PLEKHS1: variants seen among roughly 807,000 people sequenced by gnomAD.
The protein encoded by PLEKHS1 is pleckstrin homology domain containing S1.
Under a neutral mutation model 51.0 loss-of-function variants are expected in PLEKHS1, and 55 were observed. The observed-to-expected ratio is 1.08, with a 90% CI of 0.87 to 1.35. PLEKHS1 has a LOEUF of 1.35. PLEKHS1 is among the 40% of genes most tolerant of loss of function. PLEKHS1 has a pLI of 0.00. For synonymous variants in PLEKHS1, 153 were observed against 144.8 expected, an observed-to-expected ratio of 1.06 and a Z score of -0.41; for missense variants, 398 against 423.0, an observed-to-expected ratio of 0.94 and a Z score of 0.52.
At chr10:113,777,703 T>C in intron 11 of PLEKHS1, 1 of 1,520,278 alleles carries the variant, frequency 6.6e-7, no homozygotes, top group Non-Finnish European at 8.8e-7. Context: ...ATAAAGCTAC[T>C]AGTTACTTTT....
chr10:113,775,080 C>A lies in PLEKHS1; in HGVS notation c.989+45C>A, dbSNP rs761228870. 1.0e-5 allele frequency: 15 copies of A among 1,490,312 alleles called. No homozygotes were observed. The East Asian group carries it at 2.3e-4, about 23-fold the overall frequency. 92.3% of individuals were successfully genotyped at this position (1,490,312 alleles called of 1,614,324 possible). ...AACTTGATGGGCCCTAAGAGCAAGG[C>A]AGCCTCCCTCCCACTTTTTTTTTTA... On this transcript the variant is annotated intron_variant, in intron 10 of 11. Coordinates refer to ENST00000361048, the Ensembl canonical transcript of PLEKHS1.
Position 113,774,890 on chromosome 10 carries a change from G to T in PLEKHS1, c.844G>T (p.Glu282Ter), listed in dbSNP as rs911964015. ...CAAAGAGGAACCCCAGACCCTTCCA[G>T]AGACCCAGGATGGGGACCTCCACCT... The change falls in exon 10 of 12, where the codon GAG (glutamate) becomes TAG (stop). Residue 282 changes from glutamate to a stop codon, truncating the protein, a stop_gained. Transcript: ENST00000361048. LOFTEE classifies it high-confidence loss of function. 3.1e-6 allele frequency: 5 copies of T among 1,614,042 alleles called. No homozygotes were observed. The highest frequency in any genetic ancestry group is 4.2e-6 in the Non-Finnish European group (5 of 1,180,030).
chr10:113,768,900 T>C lies in PLEKHS1; in HGVS notation c.435+10T>C, dbSNP rs367810565. 3.2e-5 allele frequency: 51 copies of C among 1,602,026 alleles called. No individual in the cohort carries two copies. The African/African-American group carries it at 3.4e-4, about 11-fold the overall frequency. On this transcript the variant is annotated intron_variant, in intron 6 of 11. Coordinates refer to ENST00000361048, the Ensembl canonical transcript of PLEKHS1. ...ACAGCAGAACACAGAGGTGACTCCATATCACTAATAAAATAACAGGGCACC... is the reference window on the plus strand; with the variant it reads ...ACAGCAGAACACAGAGGTGACTCCACATCACTAATAAAATAACAGGGCACC...
At chr10:113,754,981 C>A (rs953953068) in intron 1 of PLEKHS1, among the ~76,000 whole-genome samples, 1 of 152,186 alleles carries the variant, frequency 6.6e-6, no homozygotes, top group Non-Finnish European at 1.5e-5. Context: ...CAGAGAAAAT[C>A]CCAGGAAGAC....
At chr10:113,755,490 C>T in intron 2 of PLEKHS1, 185 bp downstream of exon 2, 1 of 1,155,298 alleles carries the variant, frequency 8.7e-7, no homozygotes. Context: ...AAGCTCACTG[C>T]AACCTGCCAG....
Position 113,776,826 on chromosome 10 carries a change from A to G in PLEKHS1, c.1091+960A>G, listed in dbSNP as rs146167768. Among the ~76,000 whole-genome samples, 532 of 152,348 alleles carry G rather than the reference A, an allele frequency of 3.5e-3. 6 individuals carry two copies. The highest frequency in any genetic ancestry group is 0.012 in the African/African-American group (517 of 41,584). On this transcript the variant is annotated intron_variant, in intron 11 of 11. Coordinates refer to ENST00000361048, the Ensembl canonical transcript of PLEKHS1. ...TAAAATGCATTTTATTTAAAAATGT[A>G]ACAAATCAGGTACTCACACAATGTA...
At chr10:113,765,027 T>C (rs1844098057) in intron 2 of PLEKHS1, 2 of 199,032 alleles carry the variant, frequency 1.0e-5, no homozygotes, top group African/African-American at 2.3e-5. Flanking sequence ...AATTCTAACA[T>C]CTGTGTCAGT....
intron 10 of PLEKHS1, 47 bp from the exon 11 acceptor site, chr10:113,775,718 C>G (rs760254922): frequency 7.3e-7 from 1 of 1,362,196 alleles, no homozygotes; most frequent in South Asian, 1.3e-5. Flanking sequence ...CAGTTGAGAG[C>G]CAAGGTCAGT....
intron 2 of PLEKHS1, among the ~76,000 whole-genome samples, chr10:113,758,312 T>C (rs946891072): frequency 2.0e-5 from 3 of 152,254 alleles, no homozygotes; most frequent in African/African-American, 7.2e-5. Flanking sequence ...ATCTAGGGGC[T>C]ACAGAATAGA....
chr10:113,775,901 TG>T, intron 11 of PLEKHS1, 35 bp downstream of exon 11: 2 of 1,477,752 alleles, frequency 1.4e-6, no homozygotes, highest in Non-Finnish European at 1.9e-6. Flanking sequence ...GGATTATAAA[TG>T]GGGCTGGAAG....
Position 113,768,901 on chromosome 10 carries a change from A to G in PLEKHS1, c.435+11A>G, listed in dbSNP as rs1449475105. 2 of 1,601,042 alleles carry G rather than the reference A, an allele frequency of 1.2e-6. No homozygotes were observed. Among genetic ancestry groups the G allele is most frequent in the Admixed American group, 1.7e-5 (1 of 57,930 alleles). On this transcript the variant is annotated intron_variant, in intron 6 of 11. Transcript: ENST00000361048. The stretch of plus-strand genomic sequence containing the variant: ...CAGCAGAACACAGAGGTGACTCCAT[A>G]TCACTAATAAAATAACAGGGCACCT...
intron 4 of PLEKHS1, 41 bp downstream of exon 4, chr10:113,766,759 T>A (rs1844182238): frequency 7.0e-7 from 1 of 1,421,154 alleles, no homozygotes; most frequent in African/African-American, 1.4e-5. Context: ...CAACAAATAC[T>A]ATAAAGTCAA....
exon 12 of PLEKHS1, chr10:113,781,135 C>T (rs1844853187): frequency 4.1e-6 from 1 of 244,822 alleles, no homozygotes; most frequent in Admixed American, 5.0e-5. Flanking sequence ...TGCAAATACT[C>T]ACTGCATGAA....
Position 113,762,596 on chromosome 10 carries a change from T to C in PLEKHS1, c.29-3815T>C, listed in dbSNP as rs375496774. On this transcript the variant is annotated intron_variant, in intron 2 of 11. Transcript: ENST00000361048. ...AATTTATTTTTGGGATTTTTTAAAT[T>C]TAGAGATTATTTATTTCAGGATCTT... 5.9e-5 allele frequency among the ~76,000 whole-genome samples: 9 copies of C among 152,086 alleles called. No homozygotes were observed. The East Asian group carries it at 1.4e-3, about 23-fold the overall frequency.
In PLEKHS1 at chr10:113,773,224, G is replaced by A. The variant is rs905219990; in HGVS notation, c.673-1003G>A. On this transcript the variant is annotated intron_variant, in intron 8 of 11. Transcript: ENST00000361048. ...ATAGTCAAGTCAGATACAACACATG[G>A]CATTTCCCAAGCTCCTTTGAGCACA... Among the ~76,000 whole-genome samples the A allele has an allele frequency of 2.0e-5, 3 of 152,154 alleles. No individual in the cohort carries two copies. The South Asian group carries it at 6.2e-4, about 32-fold the overall frequency.
chr10:113,769,465 G>A (rs1593029946), intron 6 of PLEKHS1, among the ~76,000 whole-genome samples: 1 of 152,148 alleles, frequency 6.6e-6, no homozygotes, highest in South Asian at 2.1e-4. Context: ...AGAAATCAAG[G>A]CATGTCTTCA....
intron 11 of PLEKHS1, 50 bp from the exon 13 acceptor site, chr10:113,780,552 T>A: frequency 6.5e-7 from 1 of 1,543,284 alleles, no homozygotes; most frequent in Middle Eastern, 1.7e-4. Flanking sequence ...GAAGCAACAA[T>A]CTTAAAGATA....
intron 6 of PLEKHS1, among the ~76,000 whole-genome samples, chr10:113,769,454 G>A (rs974136440): frequency 6.6e-6 from 1 of 152,216 alleles, no homozygotes; most frequent in Non-Finnish European, 1.5e-5. Context: ...CAAAGAGAAG[G>A]AGAAATCAAG....
chr10:113,780,817 A>C (rs1844843241), exon 12 of PLEKHS1: 1 of 1,529,668 alleles, frequency 6.5e-7, no homozygotes, highest in Non-Finnish European at 8.8e-7. Context: ...ACCAGGATGG[A>C]GCTGGGACTG....
Sources: gnomAD v4.1 joint callset for allele counts (sites outside exome capture counted in the v4.1 genomes callset) on GRCh38, gnomAD v4.1.1 for gene constraint, MANE v1.5 for transcripts, NCBI Gene and HGNC (gene_info 2026-07-23, HGNC 2026-07-21) for gene names.